Variants in MRPS28 observed in about 807,000 individuals in gnomAD.
The protein encoded by MRPS28 is mitochondrial ribosomal protein S28.
Under a neutral mutation model 10.8 loss-of-function variants are expected in MRPS28, and 7 were observed. The observed-to-expected ratio is 0.65, with a 90% CI of 0.37 to 1.22. MRPS28 has a LOEUF of 1.22. Among genes scored for constraint, MRPS28 ranks in the 50% most tolerant of loss-of-function variants. The pLI, the probability that MRPS28 is intolerant of heterozygous loss-of-function variation, is 0.02. For missense variants in MRPS28, 265 were observed against 232.9 expected, an observed-to-expected ratio of 1.14 and a Z score of -0.90; for synonymous variants, 121 against 93.3, an observed-to-expected ratio of 1.30 and a Z score of -1.71.
intron 2 of MRPS28, among the ~76,000 whole-genome samples, chr8:80,000,999 T>C (rs1050885374): frequency 6.6e-6 from 1 of 152,214 alleles, no homozygotes; most frequent in South Asian, 2.1e-4. Context: ...AGAGATATGA[T>C]TAACGGAATT....
intron 2 of MRPS28, among the ~76,000 whole-genome samples, chr8:79,961,719 T>C (rs546409653): frequency 1.3e-5 from 2 of 152,274 alleles, no homozygotes; most frequent in South Asian, 4.1e-4. Flanking sequence ...TTCTGCAAGA[T>C]GGCATATGGT....
intron 2 of MRPS28, among the ~76,000 whole-genome samples, chr8:79,928,100 G>A (rs149065594): frequency 5.3e-5 from 8 of 152,196 alleles, no homozygotes; most frequent in African/African-American, 1.9e-4. Flanking sequence ...GAGGCAGGAG[G>A]ATAGCTTGAG....
At chr8:80,016,510 A>G (rs1384247295) in intron 1 of MRPS28, among the ~76,000 whole-genome samples, 2 of 152,124 alleles carry the variant, frequency 1.3e-5, no homozygotes, top group Non-Finnish European at 2.9e-5. Context: ...ATAAAAATTG[A>G]GGGAATTTGT....
chr8:79,949,455 C>T (rs1807024568), intron 2 of MRPS28, among the ~76,000 whole-genome samples: 2 of 151,194 alleles, frequency 1.3e-5, no homozygotes, highest in Admixed American at 1.3e-4. Flanking sequence ...CAAAACTAAT[C>T]TGCTTTTGGG....
intron 2 of MRPS28, among the ~76,000 whole-genome samples, chr8:79,949,846 T>C (rs1807036343): frequency 6.6e-6 from 1 of 152,148 alleles, no homozygotes; most frequent in South Asian, 2.1e-4. Context: ...AAAATTTGAG[T>C]AGTGTTTCTG....
intron 2 of MRPS28, among the ~76,000 whole-genome samples, chr8:80,002,297 TA>T (rs567033552): frequency 1.7e-4 from 25 of 151,406 alleles, no homozygotes; most frequent in Admixed American, 7.9e-4. Context: ...TATATATGAT[TA>T]AAAAAAAACA....
At chr8:80,009,378 A>T (rs936072600) in intron 1 of MRPS28, among the ~76,000 whole-genome samples, 8 of 152,142 alleles carry the variant, frequency 5.3e-5, no homozygotes, top group African/African-American at 1.9e-4. Flanking sequence ...ATACATATGT[A>T]ACAAACCTGC....
intron 2 of MRPS28, among the ~76,000 whole-genome samples, chr8:79,923,576 G>GTT (rs1378789894): frequency 6.6e-6 from 1 of 152,074 alleles, no homozygotes; most frequent in African/African-American, 2.4e-5. Context: ...CCAGGCAGCA[G>GTT]TTTTTCAGAA....
intron 2 of MRPS28, among the ~76,000 whole-genome samples, chr8:79,983,051 G>A (rs867892720): frequency 3.3e-5 from 5 of 150,108 alleles, no homozygotes; most frequent in Non-Finnish European, 5.9e-5. Flanking sequence ...CACCTCACAC[G>A]GCCAGGTACT....
intron 2 of MRPS28, among the ~76,000 whole-genome samples, chr8:79,925,132 C>T (rs1002142424): frequency 2.6e-5 from 4 of 151,888 alleles, no homozygotes; most frequent in African/African-American, 9.7e-5. Context: ...ATACAGCACA[C>T]ATCTTAAGTC....
chr8:79,919,093 A>G lies in MRPS28; in HGVS notation c.451T>C (p.Ser151Pro). 5.0e-6 allele frequency: 8 copies of G among 1,610,814 alleles called. No individual in the cohort carries two copies. Among genetic ancestry groups the G allele is most frequent in the Non-Finnish European group, 6.8e-6 (8 of 1,178,558 alleles). Reference sequence around the variant, plus strand: ...TCTGTTGTTGCTCCCAGGAACCTAGACGTAAGTTCAAGATCTAATAGCCGC... The same window carrying G: ...TCTGTTGTTGCTCCCAGGAACCTAGGCGTAAGTTCAAGATCTAATAGCCGC... ...RLRLLDLELTSRFLGATTDTT... is the reference protein window; with the variant it reads ...RLRLLDLELTPRFLGATTDTT... Residue 151 changes from serine to proline, a missense_variant, in exon 3 of 3, where the codon TCT (serine) becomes CCT (proline). Coordinates refer to ENST00000276585, the MANE Select transcript of MRPS28 (RefSeq NM_014018.3).
chr8:80,029,733 C>T, intron 1 of MRPS28: 1 of 1,449,840 alleles, frequency 6.9e-7, no homozygotes. Flanking sequence ...CCTAGATCGC[C>T]TCCCCAGCAG....
intron 2 of MRPS28, among the ~76,000 whole-genome samples, chr8:79,947,296 T>C (rs1405257522): frequency 1.3e-5 from 2 of 152,240 alleles, no homozygotes; most frequent in African/African-American, 4.8e-5. Context: ...TATAGTGGCA[T>C]CTTTCCATAT....
intron 2 of MRPS28, among the ~76,000 whole-genome samples, chr8:79,930,923 A>C (rs1261559981): frequency 6.6e-6 from 1 of 152,240 alleles, no homozygotes; most frequent in Non-Finnish European, 1.5e-5. Flanking sequence ...TTTATGATTT[A>C]AATTGTAAAT....
intron 2 of MRPS28, among the ~76,000 whole-genome samples, chr8:79,963,220 A>C (rs1043438151): frequency 1.3e-5 from 2 of 152,148 alleles, no homozygotes; most frequent in African/African-American, 4.8e-5. Context: ...TCTCAAAGAA[A>C]AACATATGCA....
intron 2 of MRPS28, among the ~76,000 whole-genome samples, 189 bp downstream of exon 2, chr8:80,002,810 G>A (rs536523129): frequency 6.6e-6 from 1 of 152,324 alleles, no homozygotes; most frequent in African/African-American, 2.4e-5. Context: ...ACTGCTTTGA[G>A]AAGATATGAG....
At chr8:79,931,777 G>A (rs1806468554) in intron 2 of MRPS28, among the ~76,000 whole-genome samples, 1 of 152,226 alleles carries the variant, frequency 6.6e-6, no homozygotes, top group South Asian at 2.1e-4. Context: ...TTGACTAGCA[G>A]GAGGACTGTC....
intron 2 of MRPS28, among the ~76,000 whole-genome samples, chr8:79,931,489 A>G (rs1220901032): frequency 3.3e-5 from 5 of 152,106 alleles, no homozygotes; most frequent in African/African-American, 1.2e-4. Flanking sequence ...GTTTAAGAAC[A>G]CTCCTTGTAG....
intron 2 of MRPS28, among the ~76,000 whole-genome samples, chr8:79,997,171 G>A (rs1034686356): frequency 6.6e-5 from 10 of 152,132 alleles, no homozygotes; most frequent in Admixed American, 6.5e-4. Flanking sequence ...AGAAAAAAAT[G>A]TCTAAAAACA....
Sources: gnomAD v4.1 joint callset for allele counts (sites outside exome capture counted in the v4.1 genomes callset) on GRCh38, gnomAD v4.1.1 for gene constraint, MANE v1.5 for transcripts, NCBI Gene and HGNC (gene_info 2026-07-23, HGNC 2026-07-21) for gene names.